Variants in XKR6 observed in about 807,000 individuals in gnomAD.
XKR6 encodes XK-related protein 6.
XKR6 carries 22 observed loss-of-function variants against 56.7 expected under a neutral mutation model. That is an observed-to-expected ratio of 0.39 (90% CI 0.28 to 0.55). The LOEUF (loss-of-function observed/expected upper bound fraction) is 0.55. Ranked by LOEUF, XKR6 falls within the 20% of genes least tolerant of loss-of-function variation. The pLI is 0.66. For missense variants in XKR6, 852 were observed against 889.0 expected, an observed-to-expected ratio of 0.96 and a Z score of 0.53; for synonymous variants, 524 against 387.8, an observed-to-expected ratio of 1.35 and a Z score of -4.13.
chr8:11,118,962 C>A (rs1376501740), intron 1 of XKR6, among the ~76,000 whole-genome samples: 1 of 152,168 alleles, frequency 6.6e-6, no homozygotes, highest in Admixed American at 6.5e-5. Context: ...ATAACTTTCA[C>A]TCTATACACT....
At chr8:11,057,556 A>G (rs538671941) in intron 1 of XKR6, among the ~76,000 whole-genome samples, 1 of 152,320 alleles carries the variant, frequency 6.6e-6, no homozygotes, top group East Asian at 1.9e-4. Flanking sequence ...CATTTCACAC[A>G]TGTGAGGCAT....
chr8:11,163,251 A>C (rs1801910088), intron 1 of XKR6, among the ~76,000 whole-genome samples: 1 of 152,256 alleles, frequency 6.6e-6, no homozygotes, highest in Admixed American at 6.5e-5. Context: ...AGCAGATTTT[A>C]AACATATAGT....
intron 1 of XKR6, among the ~76,000 whole-genome samples, chr8:11,028,566 T>A (rs1798921621): frequency 6.6e-6 from 1 of 152,242 alleles, no homozygotes; most frequent in Non-Finnish European, 1.5e-5. Context: ...ATGAGAGGCA[T>A]GCTACTTTGA....
intron 1 of XKR6, among the ~76,000 whole-genome samples, chr8:11,044,942 A>G (rs1257024538): frequency 6.6e-6 from 1 of 152,072 alleles, no homozygotes; most frequent in Non-Finnish European, 1.5e-5. Flanking sequence ...ACAGATGAGA[A>G]AATGAAGGCT....
intron 1 of XKR6, among the ~76,000 whole-genome samples, chr8:10,946,549 C>T (rs148537834): frequency 6.6e-6 from 1 of 151,958 alleles, no homozygotes; most frequent in African/African-American, 2.4e-5. Flanking sequence ...GTGGCGTGTC[C>T]TGCGGTTTTC....
rs34248780 is a variant in XKR6 at position 10,954,866 on chromosome 8, C to CTTTTTTTTTTT, written c.765-30047_765-30037dup. Among the ~76,000 whole-genome samples the CTTTTTTTTTTT allele has an allele frequency of 1.6e-3, 144 of 92,774 alleles. 7 individuals carry two copies. The highest frequency in any genetic ancestry group is 5.2e-3 in the African/African-American group (121 of 23,242). 60.9% of individuals were successfully genotyped at this position (92,774 alleles called of 152,430 possible). A position where few individuals can be genotyped will look rare whatever the true frequency, so the allele number is the denominator to read the frequency against. On this transcript the variant is annotated intron_variant, in intron 1 of 2. Coordinates refer to ENST00000416569, the MANE Select transcript of XKR6 (RefSeq NM_173683.4). ...TAAGGTAAGGGTCTAACTTCATTCT[C>CTTTTTTTTTTT]TTTTTTTTTTTTTTTTTTTTAGACA...
intron 1 of XKR6, among the ~76,000 whole-genome samples, chr8:11,034,382 G>A (rs549460335): frequency 1.3e-5 from 2 of 152,314 alleles, no homozygotes; most frequent in South Asian, 4.1e-4. Context: ...ATGGGTAAAG[G>A]TACAAGGCAA....
At chr8:11,034,336 A>C (rs560576156) in intron 1 of XKR6, among the ~76,000 whole-genome samples, 99 of 152,316 alleles carry the variant, frequency 6.5e-4, no homozygotes, top group African/African-American at 2.3e-3. Context: ...AGCCAAACAA[A>C]ATAACAAGAA....
chr8:10,927,228 A>G (rs1229224374), intron 1 of XKR6, among the ~76,000 whole-genome samples: 1 of 152,142 alleles, frequency 6.6e-6, no homozygotes, highest in East Asian at 1.9e-4. Flanking sequence ...ATCAGGGGAC[A>G]TGAATGCTCC....
intron 1 of XKR6, among the ~76,000 whole-genome samples, chr8:10,992,909 C>T (rs187905652): frequency 2.6e-5 from 4 of 152,318 alleles, no homozygotes; most frequent in South Asian, 2.1e-4. Flanking sequence ...ACCACCACGC[C>T]GAGCTGAGGT....
chr8:11,159,422 G>A (rs763079801), intron 1 of XKR6, among the ~76,000 whole-genome samples: 1 of 152,136 alleles, frequency 6.6e-6, no homozygotes, highest in African/African-American at 2.4e-5. Flanking sequence ...GACCTAGATC[G>A]CGAGAGAAAA....
chr8:11,098,451 G>C (rs1338546763), intron 1 of XKR6, among the ~76,000 whole-genome samples: 1 of 152,126 alleles, frequency 6.6e-6, no homozygotes, highest in Non-Finnish European at 1.5e-5. Context: ...CTAATGCTGT[G>C]TGTACTTCTC....
chr8:11,025,560 C>G (rs1798842494), intron 1 of XKR6, among the ~76,000 whole-genome samples: 1 of 152,132 alleles, frequency 6.6e-6, no homozygotes, highest in African/African-American at 2.4e-5. Context: ...CAACTAATGC[C>G]AGGCTTGGTA....
intron 1 of XKR6, among the ~76,000 whole-genome samples, chr8:11,030,872 C>A (rs1798977895): frequency 6.6e-6 from 1 of 152,224 alleles, no homozygotes; most frequent in African/African-American, 2.4e-5. Context: ...CATTGACCAC[C>A]TATGTCACTA....
intron 1 of XKR6, among the ~76,000 whole-genome samples, chr8:10,946,533 CT>C (rs1801545910): frequency 6.6e-6 from 1 of 152,044 alleles, no homozygotes; most frequent in African/African-American, 2.4e-5. Context: ...CCTCCCACCC[CT>C]GGGGGTGGCG....
intron 1 of XKR6, among the ~76,000 whole-genome samples, chr8:11,038,426 G>A (rs1799200048): frequency 6.6e-6 from 1 of 152,048 alleles, no homozygotes. Context: ...ATTGTGTGGA[G>A]AGGCACGAAT....
chr8:10,945,766 G>T (rs981291210), intron 1 of XKR6, among the ~76,000 whole-genome samples: 1 of 152,126 alleles, frequency 6.6e-6, no homozygotes, highest in Non-Finnish European at 1.5e-5. Flanking sequence ...CCAGGGCAAG[G>T]GTACGCATAG....
At chr8:11,062,684 T>G (rs1799865788) in intron 1 of XKR6, 1 of 452,916 alleles carries the variant, frequency 2.2e-6, no homozygotes, top group African/African-American at 2.0e-5. Flanking sequence ...TGATCTGGTT[T>G]TTAGTTAGAG....
chr8:11,160,302 G>A (rs564365789), intron 1 of XKR6, among the ~76,000 whole-genome samples: 4 of 152,014 alleles, frequency 2.6e-5, no homozygotes, highest in African/African-American at 9.7e-5. Context: ...AGGATATTAT[G>A]TTCAATTCTG....
Sources: gnomAD v4.1 joint callset for allele counts (sites outside exome capture counted in the v4.1 genomes callset) on GRCh38, gnomAD v4.1.1 for gene constraint, MANE v1.5 for transcripts, NCBI Gene and HGNC (gene_info 2026-07-23, HGNC 2026-07-21) for gene names.